LAMA2: variants seen among roughly 807,000 people sequenced by gnomAD.
The protein encoded by LAMA2 is laminin subunit alpha-2.
Under a neutral mutation model 364.8 loss-of-function variants are expected in LAMA2, and 269 were observed. The observed-to-expected ratio is 0.74, with a 90% confidence interval of 0.67 to 0.82. LAMA2 has a LOEUF of 0.82. Ranked by LOEUF, LAMA2 falls within the 40% of genes least tolerant of loss-of-function variation. The probability of loss-of-function intolerance (pLI) is 0.00; values close to 1 mark genes in which losing one functional copy is unlikely to be tolerated. For missense variants in LAMA2, 3,807 were observed against 3,873.2 expected (o/e 0.98, Z 0.45); for synonymous variants, 1,379 against 1,370.6 (o/e 1.01, Z -0.14).
chr6:129,152,925 G>C (rs1778896401), intron 7 of LAMA2, among the ~76,000 whole-genome samples: 1 of 151,904 alleles, frequency 6.6e-6, no homozygotes, highest in African/African-American at 2.4e-5. Context: ...GTATACAAAT[G>C]CCCCTTCCCT....
rs912878945 is a variant in LAMA2, at chr6:129,017,878, G to A, written c.113-32040G>A. 2.0e-5 allele frequency among the ~76,000 whole-genome samples: 3 copies of A among 151,910 alleles called. 1 individual carries two copies. In the East Asian group the frequency reaches 5.8e-4, roughly 29 times the overall value. On this transcript the variant is annotated intron_variant, in intron 1 of 64. Transcript: ENST00000421865. ...CCCAAAGGATTTTTTTTTTAAGTTAGCATCAAGGGTAAATAATAACAAATG... is the reference window on the plus strand; with the variant it reads ...CCCAAAGGATTTTTTTTTTAAGTTAACATCAAGGGTAAATAATAACAAATG...
At chr6:128,992,976 C>T (rs1264444800) in intron 1 of LAMA2, among the ~76,000 whole-genome samples, 1 of 152,136 alleles carries the variant, frequency 6.6e-6, no homozygotes, top group Non-Finnish European at 1.5e-5. Flanking sequence ...AAAATAGCTG[C>T]ATCTTTTAAG....
rs764965268 is a variant in LAMA2 at position 129,401,314 on chromosome 6, G to A, written c.5536G>A (p.Ala1846Thr). ...CATACTCGATGAAGCCAACCGTCTTGCAGATGAAATCAACTCCATCATAGA... is the reference window on the plus strand; with the variant it reads ...CATACTCGATGAAGCCAACCGTCTTACAGATGAAATCAACTCCATCATAGA... ...NDILDEANRL[A>T]DEINSIIDYV... The change falls in exon 38 of 65, where the codon GCA (alanine) becomes ACA (threonine). Residue 1846 changes from alanine (A) to threonine (T), a missense_variant. Physicochemically the swap from Ala to Thr is moderately conservative, Grantham distance 58. Around this residue, in one of 3 missense-constraint regions of LAMA2, gnomAD observed 3,333 missense variants for 3,345.7 expected, o/e 1.00. Transcript: ENST00000421865. 35 of 1,608,974 alleles carry A rather than the reference G, an allele frequency of 2.2e-5. No homozygotes were observed. Among genetic ancestry groups the A allele is most frequent in the Non-Finnish European group, 3.0e-5 (35 of 1,175,496 alleles).
intron 1 of LAMA2, among the ~76,000 whole-genome samples, chr6:128,940,403 T>G (rs1487033201): frequency 1.3e-5 from 2 of 152,172 alleles, no homozygotes; most frequent in Non-Finnish European, 2.9e-5. Context: ...TATTATAAGC[T>G]TTAAGAGGGC....
chr6:129,345,605 G>GA (rs1283594871), intron 30 of LAMA2, among the ~76,000 whole-genome samples: 1 of 152,142 alleles, frequency 6.6e-6, no homozygotes, highest in Non-Finnish European at 1.5e-5. Flanking sequence ...GGCAAGTTCA[G>GA]TGGCTTTCAA....
rs1131691621 is a variant in LAMA2 at position 129,473,303 on chromosome 6, G to T, written c.7390G>T (p.Ala2464Ser). 27 of 1,612,586 alleles carry T rather than the reference G, an allele frequency of 1.7e-5. No homozygotes were observed. The highest frequency in any genetic ancestry group is 6.7e-5 in the East Asian group (3 of 44,764). ...AAACAACTTTGGTCTTGACTTGAAA[G>T]CAGATGACAAAATATATTTTGGTGG... ...SGNNFGLDLK[A>S]DDKIYFGGLP... The change falls in exon 52 of 65, where the codon GCA becomes TCA. Residue 2464 changes from alanine to serine, a missense_variant. Around this residue, in one of 3 missense-constraint regions of LAMA2, gnomAD observed 3,333 missense variants for 3,345.7 expected, o/e 1.00. Transcript: ENST00000421865.
At chr6:128,933,983 T>A (rs1218061550) in intron 1 of LAMA2, among the ~76,000 whole-genome samples, 1 of 152,214 alleles carries the variant, frequency 6.6e-6, no homozygotes, top group Admixed American at 6.5e-5. Context: ...TGCCTGTGCT[T>A]CGGGTGTCGT....
At chr6:129,396,919 T>C (rs971550349) in intron 37 of LAMA2, among the ~76,000 whole-genome samples, 6 of 147,646 alleles carry the variant, frequency 4.1e-5, no homozygotes, top group Non-Finnish European at 7.4e-5. Flanking sequence ...GAGCCTGCAG[T>C]GAGCTGTGAT....
intron 3 of LAMA2, among the ~76,000 whole-genome samples, chr6:129,091,541 C>A (rs1774829304): frequency 6.6e-6 from 1 of 152,124 alleles, no homozygotes; most frequent in African/African-American, 2.4e-5. Context: ...TCATGCTTAG[C>A]AATTAATTGC....
At chr6:129,061,301 T>C (rs1788897528) in intron 3 of LAMA2, among the ~76,000 whole-genome samples, 2 of 152,218 alleles carry the variant, frequency 1.3e-5, no homozygotes, top group South Asian at 4.1e-4. Flanking sequence ...CAATAAATAA[T>C]GATGCTTTAT....
chr6:128,929,776 A>G (rs1779338025), intron 1 of LAMA2: 6 of 1,082,242 alleles, frequency 5.5e-6, no homozygotes, highest in Admixed American at 1.7e-5. Flanking sequence ...GTAAAACCAC[A>G]ACTGTCTCCT....
chr6:129,505,280 C>T lies in LAMA2; in HGVS notation c.8628C>T (p.Ala2876=), dbSNP rs376119947. 8.1e-6 allele frequency: 13 copies of T among 1,613,688 alleles called. No individual in the cohort carries two copies. The highest frequency in any genetic ancestry group is 5.3e-5 in the African/African-American group (4 of 74,884). The change falls in exon 61 of 65, where the codon GCC becomes GCT. Residue 2876 remains alanine (A), a synonymous_variant. Transcript: ENST00000421865. ...ASNRTISPKK[A]DILDVVGMLY... ...ACAGAACCATCAGTCCCAAAAAAGC[C>T]GACATCCTGGATGTCGTGGGAATGC... is the stretch of plus-strand genomic sequence containing the variant.
At position 129,142,631 on chromosome 6, in the gene LAMA2, T is replaced by A. The variant is rs532299538; in HGVS notation, c.640-1270T>A. 3.3e-5 allele frequency among the ~76,000 whole-genome samples: 5 copies of A among 152,142 alleles called. 1 individual carries two copies. In the Middle Eastern group the frequency reaches 0.01, roughly 310 times the overall value. On this transcript the variant is annotated intron_variant, in intron 4 of 64. Coordinates refer to ENST00000421865, the MANE Select transcript of LAMA2 (RefSeq NM_000426.4). ...TGTAGAATAATTCCTAGAAGTGGAATTGCTAGCTCAGAATTACTGTGTGTT... is the reference window on the plus strand; with the variant it reads ...TGTAGAATAATTCCTAGAAGTGGAAATGCTAGCTCAGAATTACTGTGTGTT...
chr6:128,900,696 A>G (rs1777034135), intron 1 of LAMA2, among the ~76,000 whole-genome samples: 1 of 152,230 alleles, frequency 6.6e-6, no homozygotes, highest in African/African-American at 2.4e-5. Flanking sequence ...TTTAACAGCT[A>G]TTTAAAATAC....
intron 22 of LAMA2, among the ~76,000 whole-genome samples, chr6:129,312,537 A>G (rs1411249373): frequency 6.6e-6 from 1 of 152,250 alleles, no homozygotes; most frequent in East Asian, 1.9e-4. Context: ...AACTTTGTCT[A>G]AAATTTAATC....
chr6:128,914,656 T>A (rs1778200466), intron 1 of LAMA2, among the ~76,000 whole-genome samples: 1 of 152,142 alleles, frequency 6.6e-6, no homozygotes, highest in Non-Finnish European at 1.5e-5. Flanking sequence ...CAAAGACAGC[T>A]TTCATGGACA....
rs73596798 is a variant in LAMA2, at chr6:129,117,637, T to C, written c.639+19222T>C. On this transcript the variant is annotated intron_variant, in intron 4 of 64. Transcript: ENST00000421865. ...CACAAAAGTGTTTTTTCAGATGGCTTATGGTTAGAACCAATATATTTTTCT... is the reference window on the plus strand; with the variant it reads ...CACAAAAGTGTTTTTTCAGATGGCTCATGGTTAGAACCAATATATTTTTCT... Among the ~76,000 whole-genome samples, 1,116 of 152,354 alleles carry C rather than the reference T, an allele frequency of 7.3e-3. 15 individuals are homozygous for C. Among genetic ancestry groups the C allele is most frequent in the African/African-American group, 0.026 (1,080 of 41,586 alleles).
intron 34 of LAMA2, among the ~76,000 whole-genome samples, chr6:129,376,560 G>A (rs1583605718): frequency 6.6e-6 from 1 of 152,096 alleles, no homozygotes; most frequent in East Asian, 1.9e-4. Context: ...TTCTCCCCTT[G>A]GCCACATCTC....
chr6:128,939,428 C>T (rs960344693), intron 1 of LAMA2, among the ~76,000 whole-genome samples: 1 of 151,958 alleles, frequency 6.6e-6, no homozygotes, highest in East Asian at 1.9e-4. Context: ...TATATACCTT[C>T]ACCTGACTTG....
Sources: gnomAD v4.1 joint callset for allele counts (sites outside exome capture counted in the v4.1 genomes callset) on GRCh38, gnomAD v4.1.1 for gene constraint, gnomAD v4.1.1 regional missense constraint, MANE v1.5 for transcripts, NCBI Gene and HGNC (gene_info 2026-07-23, HGNC 2026-07-21) for gene names.